Variants in NYAP2 observed in about 807,000 individuals in gnomAD.
The protein encoded by NYAP2 is neuronal tyrosine-phosphorylated phosphoinositide-3-kinase adapter 2.
Under a neutral mutation model 50.4 loss-of-function variants are expected in NYAP2, and 23 were observed. The observed-to-expected ratio is 0.46, with a 90% CI of 0.33 to 0.65. The LOEUF (loss-of-function observed/expected upper bound fraction) is 0.65. NYAP2 is among the 30% of genes least tolerant of loss of function. The pLI is 0.02. For missense variants in NYAP2, 885 were observed against 861.0 expected (o/e 1.03, Z -0.35); for synonymous variants, 394 against 365.2 (o/e 1.08, Z -0.90).
At chr2:225,507,489 T>G (rs1690728066) in intron 3 of NYAP2, among the ~76,000 whole-genome samples, 1 of 152,226 alleles carries the variant, frequency 6.6e-6, no homozygotes, top group South Asian at 2.1e-4. Context: ...TGTACTTTTC[T>G]TTATCGGTCC....
chr2:225,502,007 T>TG (rs35912614), intron 3 of NYAP2, among the ~76,000 whole-genome samples: 35,345 of 152,036 alleles, frequency 0.23, 4,202 homozygotes, highest in African/African-American at 0.28. Context: ...AAAGGGAACA[T>TG]GTTGTAGATG....
chr2:225,681,151 GT>G, the NYAP2 span, among the ~76,000 whole-genome samples: 3 of 152,260 alleles, frequency 2.0e-5, no homozygotes, highest in Admixed American at 2.0e-4. Context: ...GATGTTCCAG[GT>G]TGTTGGACAG....
intron 4 of NYAP2, among the ~76,000 whole-genome samples, chr2:225,517,786 T>C (rs1690962211): frequency 6.6e-6 from 1 of 152,172 alleles, no homozygotes; most frequent in African/African-American, 2.4e-5. Context: ...ACACCCACTT[T>C]GCATGTTAGA....
chr2:225,446,238 CTCTCTCTCTATATATA>C (rs1366949305), intron 3 of NYAP2, among the ~76,000 whole-genome samples: 3 of 104,568 alleles, frequency 2.9e-5, no homozygotes, highest in African/African-American at 8.2e-5. Flanking sequence ...CTCTCTCTCT[CTCTCTCTCTATATATA>C]TATATATATA....
the NYAP2 span, among the ~76,000 whole-genome samples, chr2:225,668,112 C>A: frequency 2.8e-4 from 43 of 152,246 alleles, no homozygotes; most frequent in East Asian, 1.5e-3. Flanking sequence ...TTTTCAGTTT[C>A]TTTCTTTGTT....
At chr2:225,693,161 T>C in the NYAP2 span, among the ~76,000 whole-genome samples, 23 of 152,094 alleles carry the variant, frequency 1.5e-4, no homozygotes, top group African/African-American at 5.5e-4. Context: ...CCAGAGTCCC[T>C]TTCAGGATAG....
chr2:225,653,053 G>T (rs1693763139), exon 7 of NYAP2: 1 of 152,130 alleles, frequency 6.6e-6, no homozygotes, highest in African/African-American at 2.4e-5. Flanking sequence ...GGATATAAAA[G>T]AAGTAGAAAC....
At chr2:225,595,311 T>C (rs1387032572) in intron 5 of NYAP2, among the ~76,000 whole-genome samples, 1 of 152,156 alleles carries the variant, frequency 6.6e-6, no homozygotes, top group Non-Finnish European at 1.5e-5. Flanking sequence ...TTCTAATGCA[T>C]CTTTTTGTTC....
chr2:225,545,709 T>G (rs1224476003), intron 4 of NYAP2, among the ~76,000 whole-genome samples: 1 of 152,174 alleles, frequency 6.6e-6, no homozygotes, highest in Non-Finnish European at 1.5e-5. Flanking sequence ...TTAGTTTGTT[T>G]GGTGAAGTTA....
At chr2:225,424,814 T>C (rs1695262640) in intron 3 of NYAP2, among the ~76,000 whole-genome samples, 1 of 152,150 alleles carries the variant, frequency 6.6e-6, no homozygotes, top group Non-Finnish European at 1.5e-5. Context: ...TCAAGAAATG[T>C]TAGCCCGTTC....
intron 3 of NYAP2, among the ~76,000 whole-genome samples, chr2:225,458,191 T>C (rs1689769501): frequency 6.6e-6 from 1 of 152,102 alleles, no homozygotes; most frequent in Non-Finnish European, 1.5e-5. Context: ...TTCTACATGT[T>C]GTTATTGTAC....
the NYAP2 span, among the ~76,000 whole-genome samples, chr2:225,683,394 G>A: frequency 6.6e-5 from 10 of 152,128 alleles, no homozygotes; most frequent in African/African-American, 1.9e-4. Flanking sequence ...TAGAAGCCTC[G>A]TGAGTATTGA....
intron 3 of NYAP2, among the ~76,000 whole-genome samples, chr2:225,495,366 C>T (rs1690485855): frequency 6.6e-6 from 1 of 152,154 alleles, no homozygotes; most frequent in Admixed American, 6.5e-5. Flanking sequence ...AGGATTGACT[C>T]TGGATCTTAT....
intron 3 of NYAP2, among the ~76,000 whole-genome samples, chr2:225,483,815 G>T (rs760017999): frequency 1.8e-4 from 28 of 152,090 alleles, no homozygotes; most frequent in Admixed American, 5.2e-4. Flanking sequence ...TTCAGGCACG[G>T]AAAAATAACT....
intron 3 of NYAP2, among the ~76,000 whole-genome samples, chr2:225,438,886 T>A (rs1381949778): frequency 6.6e-6 from 1 of 152,062 alleles, no homozygotes; most frequent in Non-Finnish European, 1.5e-5. Flanking sequence ...GTTTTCAAGG[T>A]CAAAGGAAGA....
At chr2:225,517,136 AAT>A (rs553556738) in intron 4 of NYAP2, among the ~76,000 whole-genome samples, 104 of 152,356 alleles carry the variant, frequency 6.8e-4, no homozygotes, top group African/African-American at 2.3e-3. Context: ...TTACATTAAA[AAT>A]ATATGTTTAC....
At chr2:225,498,230 A>G (rs1321533469) in intron 3 of NYAP2, among the ~76,000 whole-genome samples, 4 of 152,164 alleles carry the variant, frequency 2.6e-5, no homozygotes, top group African/African-American at 9.7e-5. Context: ...AAGGTTGTAT[A>G]TAATAGCTGT....
intron 4 of NYAP2, 42 bp from the exon 5 acceptor site, chr2:225,581,899 C>G (rs760230431): frequency 1.3e-6 from 2 of 1,540,130 alleles, no homozygotes; most frequent in African/African-American, 2.8e-5. Flanking sequence ...GAAAACTTTC[C>G]TATTATACTC....
Position 225,582,402 on chromosome 2 carries a change from C to T in NYAP2, c.985C>T (p.Leu329=). ...CGACATCCCTCCGCCCTTCCCCAACCTGCTTTCTCACAGACCCCCGCTGCT... is the reference window on the plus strand; with the variant it reads ...CGACATCCCTCCGCCCTTCCCCAACTTGCTTTCTCACAGACCCCCGCTGCT... Residue 329 remains leucine, a synonymous_variant, in exon 5 of 7, where the codon CTG becomes TTG. Transcript: ENST00000636099. This position sits in a 1 kb window ranked among gnomAD's most constrained non-coding sequence, Gnocchi z 7.0. 6.2e-7 allele frequency: 1 copy of T among 1,606,780 alleles called. No homozygotes were observed. Among genetic ancestry groups the T allele is most frequent in the Non-Finnish European group, 8.5e-7 (1 of 1,174,858 alleles).
Sources: gnomAD v4.1 joint callset for allele counts (sites outside exome capture counted in the v4.1 genomes callset) on GRCh38, gnomAD v4.1.1 for gene constraint, Gnocchi (gnomAD v3.1) non-coding constraint, MANE v1.5 for transcripts, NCBI Gene and HGNC (gene_info 2026-07-23, HGNC 2026-07-21) for gene names.